SMG5: variants seen among roughly 807,000 people sequenced by gnomAD.
SMG5 encodes SMG5 nonsense mediated mRNA decay factor.
Under a neutral mutation model 122.9 loss-of-function variants are expected in SMG5, and 53 were observed. That is an observed-to-expected ratio of 0.43 (90% CI 0.35 to 0.54). The LOEUF (loss-of-function observed/expected upper bound fraction) is 0.54, where lower values mean the gene tolerates loss of function less well. Among genes scored for constraint, SMG5 ranks in the 20% least tolerant of loss-of-function variants. The pLI is 0.01. For missense variants in SMG5, 1,153 were observed against 1,285.6 expected, an observed-to-expected ratio of 0.90 and a Z score of 1.58; for synonymous variants, 477 against 490.2, an observed-to-expected ratio of 0.97 and a Z score of 0.35.
At chr1:156,283,444 A>G (rs1299054701), upstream of SMG5, among the ~76,000 whole-genome samples, 5 of 152,202 alleles carry the variant, frequency 3.3e-5, no homozygotes, top group South Asian at 2.1e-4. Context: ...GCTAGACACT[A>G]TCCCTGCCCT....
chr1:156,284,686 C>T, upstream of SMG5, among the ~76,000 whole-genome samples: 1 of 152,160 alleles, frequency 6.6e-6, no homozygotes, highest in Non-Finnish European at 1.5e-5. Context: ...TGGGTCAGAT[C>T]AGTTGGCAAA....
chr1:156,268,047 G>A (rs986271798), intron 9 of SMG5, 68 bp downstream of exon 9: 100 of 1,518,116 alleles, frequency 6.6e-5, no homozygotes, highest in Middle Eastern at 1.7e-4. Context: ...CCTTGTCAAG[G>A]TTCCTTCTGT....
rs779539188 is a variant in SMG5 at position 156,274,674 on chromosome 1, G to A, written c.467C>T (p.Pro156Leu). Residue 156 changes from proline (P) to leucine (L), a missense_variant, in exon 5 of 22, where the codon CCA (proline) becomes CTA (leucine). Transcript: ENST00000361813. The part of the protein sequence containing the change: ...VTDPLIGCKK[P>L]VSASGKEMDW... ...CATCTCCTTCCCTGAGGCAGACACT[G>A]GCTTCTTGCATCCTATGAGACAAAG... The A allele has an allele frequency of 1.9e-6, 3 of 1,613,762 alleles. No individual in the cohort carries two copies.
intron 14 of SMG5, 61 bp from the exon 15 acceptor site, chr1:156,260,687 A>G: frequency 7.1e-7 from 1 of 1,403,118 alleles, no homozygotes; most frequent in South Asian, 1.6e-5. Context: ...TCAGAGAGAC[A>G]TAACCCTTCC....
chr1:156,267,671 C>T lies in SMG5; in HGVS notation c.916G>A (p.Asp306Asn), dbSNP rs1205816766. The T allele has an allele frequency of 6.2e-7, 1 of 1,608,528 alleles. No individual in the cohort carries two copies. The highest frequency in any genetic ancestry group is 1.7e-5 in the Admixed American group (1 of 59,348). ...TGGCAAAGTGAGGTCAGCTCTGAGTCCACGGAGCTACAGAGGGGCAGGAGT... is the reference window on the plus strand; with the variant it reads ...TGGCAAAGTGAGGTCAGCTCTGAGTTCACGGAGCTACAGAGGGGCAGGAGT... Reference protein sequence around the residue: ...SLLQPKSSSVDSELTSLCQSV... With the variant: ...SLLQPKSSSVNSELTSLCQSV... Residue 306 changes from aspartate (D) to asparagine (N), a missense_variant, in exon 10 of 22, where the codon GAC becomes AAC. This residue lies in a region of SMG5 where 631 missense variants were observed against 650.6 expected (regional missense o/e 0.97). Transcript: ENST00000361813.
At chr1:156,251,968 C>T (rs1338501032) in intron 19 of SMG5, among the ~76,000 whole-genome samples, 1 of 152,254 alleles carries the variant, frequency 6.6e-6, no homozygotes, top group Non-Finnish European at 1.5e-5. Flanking sequence ...TGGCTTCGGT[C>T]TTACCACTCC....
the SMG5 span, chr1:156,291,516 T>C: frequency 6.2e-7 from 1 of 1,610,574 alleles, no homozygotes; most frequent in African/African-American, 1.3e-5. Flanking sequence ...CCGGAGCGCA[T>C]GCTCACTGCC....
At chr1:156,259,729 C>T (rs1314077351) in intron 15 of SMG5, among the ~76,000 whole-genome samples, 1 of 152,086 alleles carries the variant, frequency 6.6e-6, no homozygotes, top group Non-Finnish European at 1.5e-5. Context: ...GGGGTCCTGC[C>T]ATATTGCCCA....
chr1:156,259,896 C>CT (rs1661743577), intron 15 of SMG5, among the ~76,000 whole-genome samples: 1 of 152,110 alleles, frequency 6.6e-6, no homozygotes, highest in African/African-American at 2.4e-5. Flanking sequence ...ATCTAGAACT[C>CT]TAAAATATAA....
Position 156,265,823 on chromosome 1 carries a change from T to C in SMG5, c.1813A>G (p.Arg605Gly), listed in dbSNP as rs909363429. 9.9e-6 allele frequency: 16 copies of C among 1,614,000 alleles called. No individual in the cohort carries two copies. The highest frequency in any genetic ancestry group is 1.4e-5 in the Non-Finnish European group (16 of 1,180,012). Residue 605 changes from arginine (R) to glycine (G), a missense_variant, in exon 12 of 22, where the codon AGG (arginine) becomes GGG (glycine). Arg to Gly is a moderately radical substitution (Grantham distance 125, BLOSUM62 -2). Coordinates refer to ENST00000361813, the MANE Select transcript of SMG5 (RefSeq NM_015327.3). ...TTNPHTSASH[R>G]PCVNGDVDKP... ...TCTACATCCCCATTGACGCAAGGCC[T>C]GTGGCTGGCCGAGGTATGAGGGTTG...
chr1:156,261,221 T>C (rs563392833), intron 14 of SMG5, 112 bp downstream of exon 14: 2 of 1,002,482 alleles, frequency 2.0e-6, no homozygotes, highest in Non-Finnish European at 3.2e-6. Flanking sequence ...AGGCTGGCAG[T>C]GAATCCCATT....
chr1:156,269,650 T>G (rs1662311772), intron 7 of SMG5, among the ~76,000 whole-genome samples: 1 of 151,886 alleles, frequency 6.6e-6, no homozygotes, highest in South Asian at 2.1e-4. Flanking sequence ...CCAAGGCAGG[T>G]GGATCACGAG....
intron 2 of SMG5, among the ~76,000 whole-genome samples, chr1:156,278,390 T>G (rs1662782108): frequency 6.6e-6 from 1 of 151,926 alleles, no homozygotes; most frequent in East Asian, 1.9e-4. Flanking sequence ...TTTTTTTTTT[T>G]TTGAGACAGG....
chr1:156,278,069 T>G, intron 2 of SMG5, 21 bp from the exon 3 acceptor site: 1 of 1,612,868 alleles, frequency 6.2e-7, no homozygotes. Context: ...TAGAGGAGCA[T>G]GAGAGAGACA....
chr1:156,264,267 CAAAAAAAAAAAAAA>C (rs1205363773), intron 12 of SMG5, among the ~76,000 whole-genome samples: 2 of 53,980 alleles, frequency 3.7e-5, no homozygotes, highest in African/African-American at 1.6e-4. Flanking sequence ...GACTCCGTCT[CAAAAAAAAAAAAAA>C]AAAAAAAAAA....
At chr1:156,266,845 T>C (rs1472862273) in intron 10 of SMG5, among the ~76,000 whole-genome samples, 167 bp from the exon 11 acceptor site, 1 of 151,954 alleles carries the variant, frequency 6.6e-6, no homozygotes, top group Non-Finnish European at 1.5e-5. Flanking sequence ...AGTCTCACTA[T>C]GTTGCCCAGG....
chr1:156,286,304 C>G (rs143363559), upstream of SMG5: 1 of 1,614,250 alleles, frequency 6.2e-7, no homozygotes, highest in African/African-American at 1.3e-5. Context: ...TTCTGCCCTT[C>G]GGCCCTTTGG....
rs563954432 is a variant in SMG5, at chr1:156,277,389, T to G, written c.298-148A>C. ...TTACTGTCATACTCTTAGCTCTAACTCTCTGATCTTTCCATCTGGGACCAG... is the reference window on the plus strand; with the variant it reads ...TTACTGTCATACTCTTAGCTCTAACGCTCTGATCTTTCCATCTGGGACCAG... On this transcript the variant is annotated intron_variant, in intron 3 of 21. Coordinates refer to ENST00000361813, the MANE Select transcript of SMG5 (RefSeq NM_015327.3). 149 of 899,784 alleles carry G rather than the reference T, an allele frequency of 1.7e-4. 2 individuals are homozygous for G. Among genetic ancestry groups the G allele is most frequent in the South Asian group, 1.4e-3 (70 of 51,762 alleles). The allele number at this position is 899,784 out of a possible 1,614,324, so 55.7% of individuals were successfully genotyped here.
chr1:156,274,420 C>T (rs1662585032), intron 5 of SMG5, among the ~76,000 whole-genome samples, 177 bp downstream of exon 5: 1 of 152,190 alleles, frequency 6.6e-6, no homozygotes, highest in Non-Finnish European at 1.5e-5. Flanking sequence ...TCCTCTCTGA[C>T]TCATGGAAGG....
Sources: gnomAD v4.1 joint callset for allele counts (sites outside exome capture counted in the v4.1 genomes callset) on GRCh38, gnomAD v4.1.1 for gene constraint, gnomAD v4.1.1 regional missense constraint, MANE v1.5 for transcripts, NCBI Gene and HGNC (gene_info 2026-07-23, HGNC 2026-07-21) for gene names.